The following ANXA4 variants were observed in gnomAD, a reference collection of about 807,000 sequenced individuals.
ANXA4 encodes annexin A4.
In ANXA4, 39 loss-of-function variants were observed where a neutral mutation model predicts 49.8. The observed-to-expected ratio is 0.78, with a 90% CI of 0.61 to 1.02. ANXA4 has a LOEUF of 1.02. ANXA4 is among the 50% of genes least tolerant of loss of function. The pLI is 0.00. For synonymous variants in ANXA4, 134 were observed against 152.5 expected (o/e 0.88, Z 0.89); for missense variants, 360 against 410.1 (o/e 0.88, Z 1.05).
At chr2:69,807,198 A>G (rs537040507) in intron 5 of ANXA4, among the ~76,000 whole-genome samples, 1 of 152,174 alleles carries the variant, frequency 6.6e-6, no homozygotes, top group Non-Finnish European at 1.5e-5. Flanking sequence ...GGGAGTGATT[A>G]TAATTGTCGC....
intron 5 of ANXA4, among the ~76,000 whole-genome samples, chr2:69,807,536 G>C (rs1212485293): frequency 6.6e-6 from 1 of 152,108 alleles, no homozygotes; most frequent in African/African-American, 2.4e-5. Context: ...CAGACTTGTG[G>C]AAGGTTCTGG....
chr2:69,644,243 A>T (rs965517581), upstream of ANXA4, among the ~76,000 whole-genome samples: 15 of 135,782 alleles, frequency 1.1e-4, no homozygotes, highest in Non-Finnish European at 1.8e-4. Flanking sequence ...GGCACAAGGG[A>T]TTCTGGAGGT....
rs1673984775 is a variant in ANXA4, at chr2:69,816,199, G to A, written c.628+5G>A. On this transcript the variant is annotated splice_donor_5th_base_variant and intron_variant, in intron 9 of 12. Coordinates refer to ENST00000394295, the MANE Select transcript of ANXA4 (RefSeq NM_001153.5). The stretch of plus-strand genomic sequence containing the variant: ...ACCGAAATCACCTGTTGCATGGTAA[G>A]GCACTTACTTCATTTCCCAAAGAAA... 12 of 1,613,200 alleles carry A rather than the reference G, an allele frequency of 7.4e-6. No homozygotes were observed. Among genetic ancestry groups the A allele is most frequent in the Non-Finnish European group, 1.0e-5 (12 of 1,179,186 alleles).
At chr2:69,795,603 A>G (rs1346914263) in intron 3 of ANXA4, among the ~76,000 whole-genome samples, 1 of 152,130 alleles carries the variant, frequency 6.6e-6, no homozygotes, top group Non-Finnish European at 1.5e-5. Context: ...TTTAGAGGAT[A>G]TTGTCTCTGG....
At chr2:69,789,829 T>C (rs1672599540) in intron 3 of ANXA4, among the ~76,000 whole-genome samples, 1 of 152,170 alleles carries the variant, frequency 6.6e-6, no homozygotes, top group African/African-American at 2.4e-5. Context: ...TTGTCTTGCT[T>C]ATCTGGGAGG....
At chr2:69,788,817 G>A (rs1344091064) in intron 3 of ANXA4, among the ~76,000 whole-genome samples, 2 of 137,848 alleles carry the variant, frequency 1.5e-5, no homozygotes, top group East Asian at 2.2e-4. Flanking sequence ...CAGGCTGGGC[G>A]ACAGAGCGAG....
chr2:69,755,582 G>A (rs1332590456), intron 1 of ANXA4, among the ~76,000 whole-genome samples: 1 of 152,176 alleles, frequency 6.6e-6, no homozygotes, highest in Non-Finnish European at 1.5e-5. Flanking sequence ...CTGCACTCCA[G>A]CCTGGGCAAC....
chr2:69,758,483 G>A (rs1671148341), intron 1 of ANXA4, among the ~76,000 whole-genome samples: 1 of 152,198 alleles, frequency 6.6e-6, no homozygotes, highest in Non-Finnish European at 1.5e-5. Flanking sequence ...TTAGCCGGAA[G>A]TGGTGGCACA....
At chr2:69,811,967 C>T (rs1673724228) in intron 7 of ANXA4, among the ~76,000 whole-genome samples, 1 of 152,014 alleles carries the variant, frequency 6.6e-6, no homozygotes, top group Non-Finnish European at 1.5e-5. Context: ...GAAAGTAGCC[C>T]ATTTTATCAT....
intron 2 of ANXA4, among the ~76,000 whole-genome samples, chr2:69,654,090 A>T (rs1030620748): frequency 6.6e-6 from 1 of 152,014 alleles, no homozygotes; most frequent in Non-Finnish European, 1.5e-5. Flanking sequence ...CTGTTTGTCT[A>T]TTATTGGTGT....
intron 12 of ANXA4, among the ~76,000 whole-genome samples, chr2:69,824,725 T>A (rs919330725): frequency 2.6e-5 from 4 of 151,918 alleles, no homozygotes; most frequent in African/African-American, 9.7e-5. Context: ...CTGCATACAA[T>A]GGGATATTCT....
At chr2:69,708,124 T>C (rs1313024425) in intron 2 of ANXA4, among the ~76,000 whole-genome samples, 1 of 152,198 alleles carries the variant, frequency 6.6e-6, no homozygotes, top group Non-Finnish European at 1.5e-5. Flanking sequence ...GAGACATGAT[T>C]ATTTTGCTTT....
chr2:69,718,704 TG>T (rs1357781241), intron 2 of ANXA4, among the ~76,000 whole-genome samples: 1 of 151,844 alleles, frequency 6.6e-6, no homozygotes, highest in East Asian at 1.9e-4. Context: ...TGCATGCACA[TG>T]CGCACACATG....
At chr2:69,718,286 A>G (rs1669706939) in intron 2 of ANXA4, among the ~76,000 whole-genome samples, 1 of 152,146 alleles carries the variant, frequency 6.6e-6, no homozygotes, top group Non-Finnish European at 1.5e-5. Flanking sequence ...AGAATTCCCA[A>G]AGAAGGCTAC....
chr2:69,778,880 T>A lies in ANXA4; in HGVS notation c.-46-2640T>A, dbSNP rs527364285. ...TGGGAGGCTGAGGTGGGCAGATCAC[T>A]TGAGGTCAGAAGTTCAAGACCAGCC... On this transcript the variant is annotated intron_variant, in intron 1 of 12. Transcript: ENST00000394295. Among the ~76,000 whole-genome samples the A allele has an allele frequency of 3.3e-5, 5 of 150,862 alleles. No individual in the cohort carries two copies. In the South Asian group the frequency reaches 6.3e-4, roughly 19 times the overall value.
At chr2:69,699,870 C>A (rs1286749664) in intron 2 of ANXA4, among the ~76,000 whole-genome samples, 1 of 152,142 alleles carries the variant, frequency 6.6e-6, no homozygotes, top group Non-Finnish European at 1.5e-5. Context: ...GTACCAGATG[C>A]AAGGAGTACT....
chr2:69,662,228 C>T (rs1279296390), intron 2 of ANXA4, among the ~76,000 whole-genome samples: 2 of 152,136 alleles, frequency 1.3e-5, no homozygotes, highest in African/African-American at 4.8e-5. Flanking sequence ...CTACACATGC[C>T]CCTTCACATG....
chr2:69,790,598 T>A (rs1362351029), intron 3 of ANXA4, among the ~76,000 whole-genome samples: 1 of 152,116 alleles, frequency 6.6e-6, no homozygotes, highest in East Asian at 1.9e-4. Flanking sequence ...CTGCTGTAAG[T>A]GGGTATATGG....
intron 3 of ANXA4, among the ~76,000 whole-genome samples, chr2:69,728,941 A>G (rs1670030669): frequency 6.6e-6 from 1 of 152,236 alleles, no homozygotes; most frequent in African/African-American, 2.4e-5. Flanking sequence ...TTATAGATCA[A>G]TTTGGGAGCA....
Sources: allele counts gnomAD v4.1 joint callset (sites outside exome capture counted in the v4.1 genomes callset), GRCh38; gene constraint gnomAD v4.1.1; transcripts MANE v1.5; gene names NCBI Gene and HGNC (gene_info 2026-07-23, HGNC 2026-07-21).